TANC2: variants seen among roughly 807,000 people sequenced by gnomAD.
The protein encoded by TANC2 is tetratricopeptide repeat, ankyrin repeat and coiled-coil containing 2.
In TANC2, 26 loss-of-function variants were observed where a neutral mutation model predicts 210.5. The ratio of observed to expected loss-of-function variants is 0.12; its 90% CI spans 0.09 to 0.17. The LOEUF (loss-of-function observed/expected upper bound fraction) is 0.17, where lower values mean the gene tolerates loss of function less well. TANC2 is among the 10% of genes least tolerant of loss of function. The pLI, the probability that TANC2 is intolerant of heterozygous loss-of-function variation, is 1.00. For missense variants in TANC2, 2,129 were observed against 2,608.9 expected, an observed-to-expected ratio of 0.82 and a Z score of 4.01; for synonymous variants, 931 against 967.1, an observed-to-expected ratio of 0.96 and a Z score of 0.69.
chr17:63,304,631 G>A (rs1452955739), intron 9 of TANC2, among the ~76,000 whole-genome samples: 1 of 152,180 alleles, frequency 6.6e-6, no homozygotes, highest in Non-Finnish European at 1.5e-5. Flanking sequence ...GGGGTGCTTT[G>A]CTGGGTAGGG....
intron 9 of TANC2, among the ~76,000 whole-genome samples, chr17:63,311,685 A>G (rs953406617): frequency 3.3e-5 from 5 of 152,246 alleles, no homozygotes; most frequent in Admixed American, 1.3e-4. Context: ...AAAGTTGTAC[A>G]TGAATGTTCA....
intron 4 of TANC2, among the ~76,000 whole-genome samples, chr17:63,126,070 C>A (rs9892875): frequency 0.58 from 87,836 of 151,976 alleles, 27,987 homozygotes; most frequent in African/African-American, 0.86. Context: ...ATGAGGATTA[C>A]ATGAGTGAAT....
chr17:63,224,754 A>G (rs1325293323), intron 7 of TANC2, among the ~76,000 whole-genome samples: 1 of 152,206 alleles, frequency 6.6e-6, no homozygotes, highest in Non-Finnish European at 1.5e-5. Context: ...GCCTTAGTGA[A>G]AGGAGTGTCC....
chr17:63,006,995 G>A (rs908667951), intron 1 of TANC2, among the ~76,000 whole-genome samples: 1 of 152,150 alleles, frequency 6.6e-6, no homozygotes, highest in Non-Finnish European at 1.5e-5. Flanking sequence ...GGAGGCCGAG[G>A]TGGGAGGATT....
chr17:63,374,456 T>C, intron 14 of TANC2, among the ~76,000 whole-genome samples: 1 of 152,074 alleles, frequency 6.6e-6, no homozygotes. Context: ...TTTTCCCACG[T>C]GTGGAGTAGA....
chr17:63,084,244 T>C (rs1042870378), intron 3 of TANC2, among the ~76,000 whole-genome samples: 1 of 152,164 alleles, frequency 6.6e-6, no homozygotes, highest in African/African-American at 2.4e-5. Context: ...GGTCATTTTA[T>C]CTAGGTCATC....
chr17:63,194,808 A>G (rs1042082969), intron 6 of TANC2, among the ~76,000 whole-genome samples: 1 of 152,080 alleles, frequency 6.6e-6, no homozygotes, highest in African/African-American at 2.4e-5. Flanking sequence ...TCCGTCTCAG[A>G]AAGTTAAAAA....
chr17:63,295,994 C>G (rs904375957), intron 9 of TANC2, among the ~76,000 whole-genome samples: 4 of 152,122 alleles, frequency 2.6e-5, no homozygotes, highest in Non-Finnish European at 5.9e-5. Context: ...CTGCCTAAGA[C>G]TACTCAGCTA....
At chr17:63,228,604 C>T (rs1043575112) in intron 7 of TANC2, among the ~76,000 whole-genome samples, 1 of 152,060 alleles carries the variant, frequency 6.6e-6, no homozygotes, top group Non-Finnish European at 1.5e-5. Flanking sequence ...CTCTCATTTC[C>T]TTGAGCAGTG....
In TANC2 at chr17:63,099,368, T is replaced by G. The variant is rs774003159; in HGVS notation, c.322+11T>G. 1 of 1,482,300 alleles carries G rather than the reference T, an allele frequency of 6.7e-7. No homozygotes were observed. Among genetic ancestry groups the G allele is most frequent in the South Asian group, 1.3e-5 (1 of 75,104 alleles). The allele number at this position is 1,482,300 out of a possible 1,614,324, so 91.8% of individuals were successfully genotyped here. A position where few individuals can be genotyped will look rare whatever the true frequency, so the allele number is the denominator to read the frequency against. On this transcript the variant is annotated intron_variant, in intron 4 of 27. Transcript: ENST00000689528. ...TGAAGAAGTTAACTGGTAAGGACTTTACCTAAATTTAGTATGTTTAACAGG... is the reference window on the plus strand; with the variant it reads ...TGAAGAAGTTAACTGGTAAGGACTTGACCTAAATTTAGTATGTTTAACAGG...
intron 18 of TANC2, 127 bp from the exon 19 acceptor site, chr17:63,398,694 G>T: frequency 1.7e-6 from 1 of 582,156 alleles, no homozygotes; most frequent in East Asian, 3.0e-5. Flanking sequence ...GGTCAATTCT[G>T]ATTCCTTTTG....
At chr17:63,246,525 A>G (rs1268363568) in intron 8 of TANC2, among the ~76,000 whole-genome samples, 3 of 152,100 alleles carry the variant, frequency 2.0e-5, no homozygotes, top group African/African-American at 4.8e-5. Context: ...CAGAGTCTAT[A>G]TATTTGTATT....
intron 14 of TANC2, among the ~76,000 whole-genome samples, chr17:63,358,133 AGAGTCAGTAATCT>A (rs2046831389): frequency 6.6e-6 from 1 of 152,240 alleles, no homozygotes; most frequent in Non-Finnish European, 1.5e-5. Flanking sequence ...TGAGCTGAAA[AGAGTCAGTAATCT>A]GAGAATGGTG....
At chr17:63,123,934 C>G (rs2038600481) in intron 4 of TANC2, among the ~76,000 whole-genome samples, 1 of 152,124 alleles carries the variant, frequency 6.6e-6, no homozygotes, top group East Asian at 1.9e-4. Context: ...AATGTCTGAC[C>G]TTGTGATCCA....
intron 11 of TANC2, among the ~76,000 whole-genome samples, chr17:63,331,157 T>C (rs2045826147): frequency 6.6e-6 from 1 of 152,238 alleles, no homozygotes; most frequent in Admixed American, 6.5e-5. Flanking sequence ...AAATATGGTT[T>C]TTAAACACAT....
intron 2 of TANC2, among the ~76,000 whole-genome samples, chr17:63,029,514 T>C (rs1459987426): frequency 1.3e-5 from 2 of 152,154 alleles, no homozygotes; most frequent in Non-Finnish European, 2.9e-5. Flanking sequence ...TTTCAATCAT[T>C]TTGAAATAAT....
intron 2 of TANC2, among the ~76,000 whole-genome samples, chr17:63,027,572 A>G (rs2034605031): frequency 6.6e-6 from 1 of 152,034 alleles, no homozygotes; most frequent in South Asian, 2.1e-4. Flanking sequence ...TGCTTTTGCA[A>G]ATTTATGGTA....
At chr17:63,039,019 C>T (rs967425723) in intron 2 of TANC2, among the ~76,000 whole-genome samples, 2 of 152,064 alleles carry the variant, frequency 1.3e-5, no homozygotes, top group African/African-American at 4.8e-5. Context: ...TATTTAGATT[C>T]ACTTTGCCTT....
At position 63,319,099 on chromosome 17, in the gene TANC2, T is replaced by G. The variant is rs1289378198; in HGVS notation, c.1575+9T>G. On this transcript the variant is annotated intron_variant, in intron 11 of 27. Coordinates refer to ENST00000689528, the Ensembl canonical transcript of TANC2. Reference sequence around the variant, plus strand: ...GAAGACTAGCCTCGCAGGTACAATATGATTCCCACGTTGGGGATATGGTAG... The same window carrying G: ...GAAGACTAGCCTCGCAGGTACAATAGGATTCCCACGTTGGGGATATGGTAG... 8 of 1,608,842 alleles carry G rather than the reference T, an allele frequency of 5.0e-6. No homozygotes were observed. Among genetic ancestry groups the G allele is most frequent in the Non-Finnish European group, 6.8e-6 (8 of 1,177,482 alleles).
Sources: allele counts gnomAD v4.1 joint callset (sites outside exome capture counted in the v4.1 genomes callset), GRCh38; gene constraint gnomAD v4.1.1; transcripts MANE v1.5; gene names NCBI Gene and HGNC (gene_info 2026-07-23, HGNC 2026-07-21).